The following ANOS1 variants were observed in gnomAD, a reference collection of about 807,000 sequenced individuals.
ANOS1 encodes anosmin-1.
Under a neutral mutation model 59.0 loss-of-function variants are expected in ANOS1, and 6 were observed. The observed-to-expected ratio is 0.10, with a 90% CI of 0.06 to 0.20. The LOEUF (loss-of-function observed/expected upper bound fraction) is 0.20. ANOS1 is among the 10% of genes least tolerant of loss of function. The probability of loss-of-function intolerance (pLI) is 1.00; values close to 1 mark genes in which losing one functional copy is unlikely to be tolerated. For missense variants in ANOS1, 433 were observed against 542.3 expected, an observed-to-expected ratio of 0.80 and a Z score of 2.00; for synonymous variants, 217 against 223.4, an observed-to-expected ratio of 0.97 and a Z score of 0.25.
At chrX:8,539,548 T>C in intron 10 of ANOS1, 116 bp downstream of exon 10, 1 of 1,115,508 alleles carries the variant, frequency 9.0e-7, no homozygotes, top group Non-Finnish European at 1.2e-6. Flanking sequence ...TTCCATCAAG[T>C]CATTACTCCA....
At chrX:8,597,658 C>CTTTTTTTTTTTTTTTTTTTTT in intron 3 of ANOS1, among the ~76,000 whole-genome samples, 1 of 25,146 alleles carries the variant, frequency 4.0e-5, no homozygotes, top group South Asian at 5.6e-3. Flanking sequence ...TTCTTTCTCC[C>CTTTTTTTTTTTTTTTTTTTTT]TTTTTTTTTT....
intron 9 of ANOS1, among the ~76,000 whole-genome samples, chrX:8,548,101 T>C (rs770950816): frequency 8.9e-6 from 1 of 112,563 alleles, no homozygotes; most frequent in Non-Finnish European, 1.9e-5. Context: ...TAAAGACTCT[T>C]ATTACTGTTT....
intron 1 of ANOS1, among the ~76,000 whole-genome samples, chrX:8,710,679 G>A (rs901792899): frequency 2.7e-5 from 3 of 112,090 alleles, no homozygotes; most frequent in East Asian, 2.8e-4. Flanking sequence ...ATGTTACTCC[G>A]CTATGCTGAC....
intron 1 of ANOS1, among the ~76,000 whole-genome samples, chrX:8,722,460 T>C (rs1432391559): frequency 5.4e-5 from 6 of 111,462 alleles, no homozygotes; most frequent in Non-Finnish European, 3.8e-5. Context: ...CAATGTTTGG[T>C]TTTCCATTCC....
At chrX:8,635,575 C>G (rs757409254) in intron 2 of ANOS1, among the ~76,000 whole-genome samples, 1 of 111,628 alleles carries the variant, frequency 9.0e-6, no homozygotes, top group East Asian at 2.8e-4. Flanking sequence ...TACTGGCGCA[C>G]AGACAGCTTA....
At chrX:8,552,410 A>T (rs1335433404) in intron 9 of ANOS1, among the ~76,000 whole-genome samples, 2 of 112,552 alleles carry the variant, frequency 1.8e-5, no homozygotes, top group Non-Finnish European at 3.7e-5. Context: ...ATAGCTCCAC[A>T]TCTGAATAAG....
intron 9 of ANOS1, among the ~76,000 whole-genome samples, chrX:8,548,913 C>T (rs953520755): frequency 1.1e-4 from 12 of 111,732 alleles, no homozygotes; most frequent in African/African-American, 3.6e-4. Context: ...TAACTGACTG[C>T]GAGGCATTTC....
At chrX:8,705,986 T>C (rs1932777362) in intron 1 of ANOS1, among the ~76,000 whole-genome samples, 1 of 112,387 alleles carries the variant, frequency 8.9e-6, no homozygotes, top group South Asian at 3.7e-4. Flanking sequence ...AAAGAGTTTA[T>C]ATAAGTTCAA....
At chrX:8,588,634 GT>G (rs1227831246) in intron 4 of ANOS1, among the ~76,000 whole-genome samples, 2 of 111,950 alleles carry the variant, frequency 1.8e-5, no homozygotes, top group Non-Finnish European at 3.8e-5. Context: ...AATTTATAAT[GT>G]TTGGTTTTGG....
intron 2 of ANOS1, among the ~76,000 whole-genome samples, chrX:8,677,354 C>T (rs1932352795): frequency 2.7e-5 from 3 of 111,974 alleles, no homozygotes; most frequent in African/African-American, 9.7e-5. Flanking sequence ...AACCACTAGG[C>T]TACAGAGATG....
intron 2 of ANOS1, among the ~76,000 whole-genome samples, chrX:8,645,786 T>C (rs1445768594): frequency 9.0e-6 from 1 of 111,320 alleles, no homozygotes; most frequent in East Asian, 2.8e-4. Context: ...TAGATTCATA[T>C]TGTCAAACTA....
At chrX:8,580,122 T>C in intron 6 of ANOS1, among the ~76,000 whole-genome samples, 1 of 112,252 alleles carries the variant, frequency 8.9e-6, no homozygotes, top group Non-Finnish European at 1.9e-5. Flanking sequence ...TCATGTTGTT[T>C]GTTCCAAATG....
chrX:8,539,479 G>A, intron 10 of ANOS1, among the ~76,000 whole-genome samples, 185 bp downstream of exon 10: 1 of 110,785 alleles, frequency 9.0e-6, no homozygotes, highest in Non-Finnish European at 1.9e-5. Flanking sequence ...TAAGCTCCCA[G>A]TGCAATGGTG....
Position 8,530,762 on chromosome X carries a change from C to T in ANOS1, c.*2233G>A, listed in dbSNP as rs1455499897. 3 of 109,423 alleles carry T rather than the reference C, an allele frequency of 2.7e-5. No individual in the cohort carries two copies. The allele number at this position is 109,423 out of a possible 1,213,427, so 9.0% of individuals were successfully genotyped here. ...ATATTTTGTATCTATGCAGAGACTCCCAGCATTTTTAACTATGCAACAGTA... is the reference window on the plus strand; with the variant it reads ...ATATTTTGTATCTATGCAGAGACTCTCAGCATTTTTAACTATGCAACAGTA... On this transcript the variant is annotated 3_prime_UTR_variant, in exon 14 of 14. Coordinates refer to ENST00000262648, the MANE Select transcript of ANOS1 (RefSeq NM_000216.4).
At chrX:8,594,658 GTATATATA>G (rs767812487) in intron 4 of ANOS1, among the ~76,000 whole-genome samples, 5,467 of 33,499 alleles carry the variant, frequency 0.16, 422 homozygotes, top group Admixed American at 0.28. Context: ...ATATATATGT[GTATATATA>G]TATATATATA....
chrX:8,656,707 A>G (rs1931936926), intron 2 of ANOS1, among the ~76,000 whole-genome samples: 1 of 111,551 alleles, frequency 9.0e-6, no homozygotes, highest in Non-Finnish European at 1.9e-5. Flanking sequence ...TGCAAAGTCC[A>G]GGCTCTTTGG....
At chrX:8,587,130 G>C (rs889603597) in intron 5 of ANOS1, among the ~76,000 whole-genome samples, 7 of 106,637 alleles carry the variant, frequency 6.6e-5, no homozygotes, top group African/African-American at 2.3e-4. Flanking sequence ...TTGTGTGTGT[G>C]TGTGGGGGGG....
chrX:8,717,879 T>C (rs1279455772), intron 1 of ANOS1, among the ~76,000 whole-genome samples: 1 of 109,179 alleles, frequency 9.2e-6, no homozygotes, highest in Non-Finnish European at 1.9e-5. Context: ...GCCTAGGCAA[T>C]ATAGTGAGAA....
chrX:8,588,128 C>A, intron 4 of ANOS1, 150 bp from the exon 5 acceptor site: 1 of 520,876 alleles, frequency 1.9e-6, no homozygotes. Flanking sequence ...CAGGGTTTCA[C>A]ATCTGAAGTC....
Sources: allele counts gnomAD v4.1 joint callset (sites outside exome capture counted in the v4.1 genomes callset), GRCh38; gene constraint gnomAD v4.1.1; transcripts MANE v1.5; gene names NCBI Gene and HGNC (gene_info 2026-07-23, HGNC 2026-07-21).